Variants in CNTNAP2 observed in about 807,000 individuals in gnomAD.
CNTNAP2 encodes the protein contactin-associated protein-like 2.
A neutral mutation model predicts 155.2 loss-of-function variants in CNTNAP2; 98 were observed. The ratio of observed to expected loss-of-function variants is 0.63; its 90% CI spans 0.54 to 0.75. The LOEUF (loss-of-function observed/expected upper bound fraction) is 0.75. Among genes scored for constraint, CNTNAP2 ranks in the 30% least tolerant of loss-of-function variants. CNTNAP2 has a pLI of 0.00. For synonymous variants in CNTNAP2, 651 were observed against 631.2 expected, an observed-to-expected ratio of 1.03 and a Z score of -0.47; for missense variants, 1,727 against 1,688.1, an observed-to-expected ratio of 1.02 and a Z score of -0.40.
chr7:148,329,919 T>G (rs796321617), intron 21 of CNTNAP2, among the ~76,000 whole-genome samples: 152 of 152,324 alleles, frequency 1.0e-3, no homozygotes, highest in African/African-American at 3.4e-3. Context: ...ACTTCCCCAG[T>G]GCAGGCCCTT....
intron 1 of CNTNAP2, among the ~76,000 whole-genome samples, chr7:146,517,619 C>T (rs1219990369): frequency 2.0e-5 from 3 of 151,722 alleles, no homozygotes; most frequent in African/African-American, 4.8e-5. Context: ...TGGAAGCCAT[C>T]GGGAGATATA....
At chr7:146,613,559 TAAAA>T (rs771676113) in intron 1 of CNTNAP2, among the ~76,000 whole-genome samples, 3 of 151,702 alleles carry the variant, frequency 2.0e-5, no homozygotes, top group Non-Finnish European at 2.9e-5. Flanking sequence ...GTCGAAAGAG[TAAAA>T]AAAGATAAAA....
At chr7:148,062,155 T>G (rs1803169697) in intron 15 of CNTNAP2, among the ~76,000 whole-genome samples, 1 of 151,686 alleles carries the variant, frequency 6.6e-6, no homozygotes, top group Non-Finnish European at 1.5e-5. Flanking sequence ...AGTGGTTTTT[T>G]TAAGACACAT....
intron 1 of CNTNAP2, among the ~76,000 whole-genome samples, chr7:146,664,814 T>A (rs975697281): frequency 2.0e-5 from 3 of 152,244 alleles, no homozygotes; most frequent in South Asian, 2.1e-4. Context: ...TTTATTTTTT[T>A]AAATAGATAT....
intron 3 of CNTNAP2, among the ~76,000 whole-genome samples, chr7:146,840,315 G>A (rs1224583118): frequency 6.6e-6 from 1 of 152,158 alleles, no homozygotes; most frequent in African/African-American, 2.4e-5. Context: ...GTTAAGAAAA[G>A]AACTTGTCCA....
At chr7:146,423,546 G>T (rs899934821) in intron 1 of CNTNAP2, among the ~76,000 whole-genome samples, 9 of 152,132 alleles carry the variant, frequency 5.9e-5, no homozygotes, top group Non-Finnish European at 1.2e-4. Flanking sequence ...ATAAAGACAG[G>T]ATATTTGTGC....
At chr7:147,446,111 CTTTG>C (rs1286718522) in intron 10 of CNTNAP2, among the ~76,000 whole-genome samples, 17 of 147,352 alleles carry the variant, frequency 1.2e-4, no homozygotes, top group Non-Finnish European at 1.8e-4. Flanking sequence ...CACACTTGCT[CTTTG>C]TTTCTTTCTT....
At chr7:146,329,882 A>C (rs1174337059) in intron 1 of CNTNAP2, among the ~76,000 whole-genome samples, 1 of 152,046 alleles carries the variant, frequency 6.6e-6, no homozygotes, top group Admixed American at 6.6e-5. Flanking sequence ...TACTGCATCA[A>C]AGTGTAAAAT....
At chr7:146,271,404 A>T (rs968572633) in intron 1 of CNTNAP2, among the ~76,000 whole-genome samples, 1 of 152,022 alleles carries the variant, frequency 6.6e-6, no homozygotes, top group African/African-American at 2.4e-5. Context: ...AATTGGAAGA[A>T]TTTTACAAAT....
intron 1 of CNTNAP2, among the ~76,000 whole-genome samples, chr7:146,770,154 T>C (rs1193024618): frequency 6.6e-6 from 1 of 152,144 alleles, no homozygotes; most frequent in Non-Finnish European, 1.5e-5. Flanking sequence ...TTTTAAACCA[T>C]TTTTATTACT....
chr7:147,548,109 G>A (rs1446184193), intron 11 of CNTNAP2, among the ~76,000 whole-genome samples: 1 of 152,146 alleles, frequency 6.6e-6, no homozygotes, highest in East Asian at 1.9e-4. Flanking sequence ...ATAATACTTT[G>A]GGTATGTACC....
At chr7:148,017,974 A>C (rs1585079939) in intron 15 of CNTNAP2, among the ~76,000 whole-genome samples, 1 of 152,360 alleles carries the variant, frequency 6.6e-6, no homozygotes, top group South Asian at 2.1e-4. Flanking sequence ...CTTCTTGTGC[A>C]GGTTTTTCTA....
At chr7:146,876,192 G>C (rs1164377824) in intron 3 of CNTNAP2, among the ~76,000 whole-genome samples, 2 of 151,850 alleles carry the variant, frequency 1.3e-5, no homozygotes, top group African/African-American at 4.8e-5. Flanking sequence ...GGAGTTCATG[G>C]GATCGTCACC....
intron 13 of CNTNAP2, among the ~76,000 whole-genome samples, chr7:147,755,360 C>T (rs1028905380): frequency 8.5e-5 from 13 of 152,100 alleles, no homozygotes; most frequent in Non-Finnish European, 1.6e-4. Flanking sequence ...AAAGATCCAC[C>T]AGCGTTAATA....
chr7:147,980,512 T>C lies in CNTNAP2; in HGVS notation c.2383+2523T>C, dbSNP rs536810338. Among the ~76,000 whole-genome samples the C allele has an allele frequency of 2.0e-5, 3 of 152,324 alleles. No individual in the cohort carries two copies. In the East Asian group the frequency reaches 5.8e-4, roughly 29 times the overall value. On this transcript the variant is annotated intron_variant, in intron 15 of 23. Transcript: ENST00000361727. ...TAATGGCAATTATGTAGAATACTTT[T>C]GTGTCTGTGTGAGAGAGAGAAATCT...
chr7:146,408,454 A>C (rs1215005229), intron 1 of CNTNAP2, among the ~76,000 whole-genome samples: 1 of 152,022 alleles, frequency 6.6e-6, no homozygotes, highest in Non-Finnish European at 1.5e-5. Flanking sequence ...GAAGGTGAAC[A>C]ACTAATAGTC....
intron 11 of CNTNAP2, among the ~76,000 whole-genome samples, chr7:147,507,638 C>T (rs535337852): frequency 8.0e-5 from 12 of 149,730 alleles, no homozygotes; most frequent in South Asian, 4.2e-4. Context: ...CTGCAAGCTC[C>T]GCCTCCCAGG....
intron 1 of CNTNAP2, among the ~76,000 whole-genome samples, chr7:146,690,507 A>G (rs1041399845): frequency 6.6e-6 from 1 of 152,170 alleles, no homozygotes; most frequent in African/African-American, 2.4e-5. Context: ...TTGTTTCTCC[A>G]GATTAAAGTC....
At chr7:147,996,655 G>A (rs893081912) in intron 15 of CNTNAP2, among the ~76,000 whole-genome samples, 2 of 152,064 alleles carry the variant, frequency 1.3e-5, no homozygotes, top group Non-Finnish European at 2.9e-5. Context: ...GTCAGTAATC[G>A]TAGTTATAAA....
Sources: allele counts gnomAD v4.1 joint callset (sites outside exome capture counted in the v4.1 genomes callset), GRCh38; gene constraint gnomAD v4.1.1; transcripts MANE v1.5; gene names NCBI Gene and HGNC (gene_info 2026-07-23, HGNC 2026-07-21).